Variants in NWD2 observed in about 807,000 individuals in gnomAD.
NWD2 encodes NACHT and WD repeat domain-containing protein 2.
Under a neutral mutation model 132.7 loss-of-function variants are expected in NWD2, and 37 were observed. That is an observed-to-expected ratio of 0.28 (90% CI 0.21 to 0.37). NWD2 has a LOEUF of 0.37. NWD2 is among the 10% of genes least tolerant of loss of function. The probability of loss-of-function intolerance (pLI) is 1.00; values close to 1 mark genes in which losing one functional copy is unlikely to be tolerated. For synonymous variants in NWD2, 705 were observed against 803.0 expected (o/e 0.88, Z 2.06); for missense variants, 1,592 against 2,122.4 (o/e 0.75, Z 4.91).
intron 4 of NWD2, among the ~76,000 whole-genome samples, chr4:37,433,023 A>G (rs1248692663): frequency 6.6e-6 from 1 of 152,188 alleles, no homozygotes; most frequent in Non-Finnish European, 1.5e-5. Flanking sequence ...GGATCTGTGT[A>G]TTTGTCATTC....
chr4:37,376,447 A>G (rs949557108), intron 3 of NWD2, among the ~76,000 whole-genome samples: 1 of 152,236 alleles, frequency 6.6e-6, no homozygotes, highest in Non-Finnish European at 1.5e-5. Context: ...AGAGAAAGCA[A>G]CAGAGCTAAT....
chr4:37,364,961 A>G (rs1720066979), intron 3 of NWD2, among the ~76,000 whole-genome samples: 1 of 152,360 alleles, frequency 6.6e-6, no homozygotes, highest in East Asian at 1.9e-4. Flanking sequence ...GCAGAAGAGT[A>G]AAGACAAGAC....
chr4:37,423,150 A>G (rs574071124), intron 3 of NWD2, among the ~76,000 whole-genome samples: 22 of 152,340 alleles, frequency 1.4e-4, no homozygotes, highest in Admixed American at 3.3e-4. Context: ...ACAAGCGTGT[A>G]TCTGTAATAA....
At chr4:37,307,345 G>A (rs926527646) in intron 1 of NWD2, among the ~76,000 whole-genome samples, 5 of 152,048 alleles carry the variant, frequency 3.3e-5, no homozygotes, top group African/African-American at 1.2e-4. Context: ...AGTTTTGCTT[G>A]TCTGGGAGAG....
intron 1 of NWD2, among the ~76,000 whole-genome samples, chr4:37,276,256 A>G (rs1046305972): frequency 6.6e-5 from 10 of 152,204 alleles, no homozygotes; most frequent in African/African-American, 2.4e-4. Context: ...TTTACAAGAA[A>G]AAAACAAACA....
At chr4:37,272,089 T>G (rs1325161726) in intron 1 of NWD2, among the ~76,000 whole-genome samples, 2 of 151,812 alleles carry the variant, frequency 1.3e-5, no homozygotes, top group African/African-American at 4.8e-5. Context: ...ATTCTGTCAC[T>G]GCAGTGAAGT....
At chr4:37,247,237 A>G (rs1317461808) in intron 1 of NWD2, among the ~76,000 whole-genome samples, 2 of 152,246 alleles carry the variant, frequency 1.3e-5, no homozygotes. Context: ...TAATGATCTG[A>G]ACGTGAAGCC....
At chr4:37,417,397 T>C (rs1333876266) in intron 3 of NWD2, among the ~76,000 whole-genome samples, 5 of 152,056 alleles carry the variant, frequency 3.3e-5, no homozygotes, top group African/African-American at 1.2e-4. Flanking sequence ...ATATAATGTA[T>C]GTAAATTTTA....
chr4:37,320,020 T>G (rs560385387), intron 1 of NWD2, among the ~76,000 whole-genome samples: 1 of 152,192 alleles, frequency 6.6e-6, no homozygotes, highest in African/African-American at 2.4e-5. Flanking sequence ...CAAATGACAT[T>G]GGTAGTTTGA....
intron 2 of NWD2, among the ~76,000 whole-genome samples, chr4:37,341,878 G>C (rs986323523): frequency 1.3e-5 from 2 of 152,120 alleles, no homozygotes; most frequent in African/African-American, 4.8e-5. Flanking sequence ...TTTTTAAAAG[G>C]ATCCATCTGC....
chr4:37,445,314 A>G lies in NWD2; in HGVS notation c.3326A>G (p.Asp1109Gly). The G allele has an allele frequency of 3.9e-6, 6 of 1,552,070 alleles. No individual in the cohort carries two copies. The highest frequency in any genetic ancestry group is 3.9e-5 in the Admixed American group (2 of 51,004). Residue 1109 changes from aspartate to glycine, a missense_variant, in exon 7 of 7, where the codon GAT (aspartate) becomes GGT (glycine). By Grantham distance (94) the Asp-to-Gly change is moderately conservative. Coordinates refer to ENST00000309447, the MANE Select transcript of NWD2 (RefSeq NM_001144990.2). This position sits in a 1 kb window ranked among gnomAD's most constrained non-coding sequence, Gnocchi z 4.7. ...YEVTCVQCSL[D>G]GLYAFCGQYL... The stretch of plus-strand genomic sequence containing the variant: ...GTGACGTGCGTCCAGTGCTCCCTGG[A>G]TGGTCTGTATGCTTTCTGTGGCCAA...
At chr4:37,262,239 C>T (rs1717654380) in intron 1 of NWD2, among the ~76,000 whole-genome samples, 2 of 152,278 alleles carry the variant, frequency 1.3e-5, no homozygotes. Context: ...ACCCACAAAG[C>T]ATAAGGATTT....
Position 37,445,539 on chromosome 4 carries a change from A to T in NWD2, c.3551A>T (p.Asp1184Val), listed in dbSNP as rs1712610039. The part of the protein sequence containing the change: ...ISSPQLTDDF[D>V]CRREDSEVVS... ...AGCCCCCAGCTGACTGATGACTTTG[A>T]TTGCCGAAGAGAAGACAGTGAGGTG... The change falls in exon 7 of 7, where the codon GAT becomes GTT. Residue 1184 changes from aspartate (D) to valine (V), a missense_variant. Physicochemically the swap from Asp to Val is radical, Grantham distance 152. Around this residue, in one of 7 missense-constraint regions of NWD2, gnomAD observed 1,071 missense variants for 1,398.0 expected, o/e 0.77. Coordinates refer to ENST00000309447, the MANE Select transcript of NWD2 (RefSeq NM_001144990.2). This position sits in a 1 kb window ranked among gnomAD's most constrained non-coding sequence, Gnocchi z 4.7. The T allele has an allele frequency of 1.3e-6, 2 of 1,551,956 alleles. No individual in the cohort carries two copies. Among genetic ancestry groups the T allele is most frequent in the Non-Finnish European group, 1.7e-6 (2 of 1,147,102 alleles).
intron 2 of NWD2, among the ~76,000 whole-genome samples, chr4:37,338,219 G>A (rs1314600236): frequency 6.6e-6 from 1 of 152,176 alleles, no homozygotes; most frequent in East Asian, 1.9e-4. Flanking sequence ...GTCAGAGTCA[G>A]GATTTTTACC....
At chr4:37,397,889 A>G (rs1720830127) in intron 3 of NWD2, among the ~76,000 whole-genome samples, 2 of 151,416 alleles carry the variant, frequency 1.3e-5, no homozygotes, top group Non-Finnish European at 2.9e-5. Context: ...TGGCCATGCT[A>G]TGGCTGTAGA....
At chr4:37,260,699 G>C (rs1345067698) in intron 1 of NWD2, among the ~76,000 whole-genome samples, 1 of 152,152 alleles carries the variant, frequency 6.6e-6, no homozygotes, top group African/African-American at 2.4e-5. Context: ...AAACTGGAAG[G>C]TATGAGTAGG....
chr4:37,364,613 G>A (rs1439686849), intron 3 of NWD2, among the ~76,000 whole-genome samples: 1 of 151,788 alleles, frequency 6.6e-6, no homozygotes, highest in African/African-American at 2.4e-5. Context: ...TAAAGAAGCA[G>A]CAGAGACCAA....
At chr4:37,354,810 G>A (rs114060722) in intron 2 of NWD2, among the ~76,000 whole-genome samples, 1,975 of 152,228 alleles carry the variant, frequency 0.013, 28 homozygotes, top group Non-Finnish European at 0.02. Context: ...TTACCAAAAG[G>A]TACTCTGTGG....
At chr4:37,384,469 G>A (rs906146702) in intron 3 of NWD2, among the ~76,000 whole-genome samples, 2 of 152,232 alleles carry the variant, frequency 1.3e-5, no homozygotes, top group South Asian at 2.1e-4. Context: ...TTTTCTAGGT[G>A]ACTCTTCAGA....
Sources: gnomAD v4.1 joint callset for allele counts (sites outside exome capture counted in the v4.1 genomes callset) on GRCh38, gnomAD v4.1.1 for gene constraint, gnomAD v4.1.1 regional missense constraint, Gnocchi (gnomAD v3.1) non-coding constraint, MANE v1.5 for transcripts, NCBI Gene and HGNC (gene_info 2026-07-23, HGNC 2026-07-21) for gene names.